GRIA2: variants seen among roughly 807,000 people sequenced by gnomAD.
GRIA2 encodes glutamate ionotropic receptor AMPA type subunit 2, also known as glutamate receptor 2.
Under a neutral mutation model 97.3 loss-of-function variants are expected in GRIA2, and 14 were observed. The observed-to-expected ratio is 0.14, with a 90% CI of 0.10 to 0.23. The LOEUF (loss-of-function observed/expected upper bound fraction) is 0.23, where lower values mean the gene tolerates loss of function less well. Ranked by LOEUF, GRIA2 falls within the 10% of genes least tolerant of loss-of-function variation. GRIA2 has a pLI of 1.00. For synonymous variants in GRIA2, 412 were observed against 387.8 expected (o/e 1.06, Z -0.73); for missense variants, 558 against 1,069.8 (o/e 0.52, Z 6.67).
intron 6 of GRIA2, among the ~76,000 whole-genome samples, chr4:157,323,788 C>G (rs1734690542): frequency 6.6e-6 from 1 of 152,106 alleles, no homozygotes; most frequent in Non-Finnish European, 1.5e-5. Context: ...AAAATTTTGC[C>G]AAAACTAGTG....
At chr4:157,307,864 A>C (rs1486270574) in intron 3 of GRIA2, among the ~76,000 whole-genome samples, 1 of 152,232 alleles carries the variant, frequency 6.6e-6, no homozygotes, top group Non-Finnish European at 1.5e-5. Context: ...ATAGAACAAA[A>C]ATGCTTTCAA....
At position 157,361,699 on chromosome 4, in the gene GRIA2, C is replaced by T; in HGVS notation, c.2406+575C>T. The T allele has an allele frequency of 7.5e-7, 1 of 1,325,972 alleles. No homozygotes were observed. The highest frequency in any genetic ancestry group is 2.3e-5 in the East Asian group (1 of 43,258). The allele number at this position is 1,325,972 out of a possible 1,614,324, so 82.1% of individuals were successfully genotyped here. On this transcript the variant is annotated intron_variant, in intron 14 of 15. Transcript: ENST00000264426. This position sits in a 1 kb window ranked among gnomAD's most constrained non-coding sequence, Gnocchi z 5.2. ...GTGAAAAAACAAAATCAAACACAAACAGCAAAATCAAACCACAAGTGTGTT... is the reference window on the plus strand; with the variant it reads ...GTGAAAAAACAAAATCAAACACAAATAGCAAAATCAAACCACAAGTGTGTT...
chr4:157,321,592 C>A lies in GRIA2; in HGVS notation c.875C>A (p.Thr292Lys). 6.2e-7 allele frequency: 1 copy of A among 1,604,974 alleles called. No individual in the cohort carries two copies. Among genetic ancestry groups the A allele is most frequent in the Middle Eastern group, 1.7e-4 (1 of 6,002 alleles). The change falls in exon 6 of 16, where the codon ACA (threonine) becomes AAA (lysine). Residue 292 changes from threonine to lysine, a missense_variant. Around this residue, in one of 8 missense-constraint regions of GRIA2, gnomAD observed 173 missense variants for 209.1 expected, o/e 0.83. Transcript: ENST00000264426. ...EKEYPGAHTT[T>K]IKYTSALTYD... ...GAATACCCTGGAGCTCACACAACAA[C>A]AATTAAGGTTTGCTTTGGTTTCTGT...
At chr4:157,274,643 T>C (rs1412368254) in intron 2 of GRIA2, among the ~76,000 whole-genome samples, 2 of 151,752 alleles carry the variant, frequency 1.3e-5, no homozygotes, top group African/African-American at 4.8e-5. Context: ...TTGCGATAGT[T>C]TGCTGAGAAT....
intron 2 of GRIA2, among the ~76,000 whole-genome samples, chr4:157,258,977 G>T (rs1274226025): frequency 6.6e-6 from 1 of 152,050 alleles, no homozygotes; most frequent in Non-Finnish European, 1.5e-5. Flanking sequence ...AGCACTTTGG[G>T]AGGCCAAGAC....
chr4:157,297,390 A>G (rs938148746), intron 2 of GRIA2, among the ~76,000 whole-genome samples: 2 of 152,178 alleles, frequency 1.3e-5, no homozygotes, highest in Non-Finnish European at 2.9e-5. Context: ...TGATTAATAA[A>G]TAGTTAATAT....
At chr4:157,315,418 G>A (rs779264774) in intron 4 of GRIA2, among the ~76,000 whole-genome samples, 3 of 150,278 alleles carry the variant, frequency 2.0e-5, no homozygotes, top group Non-Finnish European at 4.4e-5. Flanking sequence ...CACTCAACCA[G>A]TGTTTTTTCA....
intron 15 of GRIA2, 29 bp downstream of exon 15, chr4:157,363,076 T>C (rs762993953): frequency 6.3e-7 from 1 of 1,575,636 alleles, no homozygotes; most frequent in South Asian, 1.2e-5. Context: ...TACAAACTTT[T>C]TAGTGCACGT....
intron 3 of GRIA2, among the ~76,000 whole-genome samples, chr4:157,311,451 G>C (rs549974922): frequency 1.3e-5 from 2 of 151,998 alleles, no homozygotes; most frequent in African/African-American, 4.8e-5. Flanking sequence ...AGATGTTTTA[G>C]ACTCATCTTG....
intron 4 of GRIA2, 45 bp downstream of exon 4, chr4:157,312,920 C>T: frequency 2.7e-6 from 3 of 1,114,452 alleles, no homozygotes; most frequent in Non-Finnish European, 3.9e-6. Context: ...ATAGAATATG[C>T]ATGCAATGTC....
intron 2 of GRIA2, among the ~76,000 whole-genome samples, chr4:157,287,988 T>A (rs1236449020): frequency 6.6e-6 from 1 of 151,678 alleles, no homozygotes; most frequent in East Asian, 1.9e-4. Context: ...ATTGAGCCAG[T>A]CAGATTGCTC....
intron 4 of GRIA2, among the ~76,000 whole-genome samples, 184 bp downstream of exon 4, chr4:157,313,059 A>T (rs1734156561): frequency 6.6e-6 from 1 of 152,204 alleles, no homozygotes. Flanking sequence ...AATGGTCATC[A>T]GTAATGCTGG....
At chr4:157,226,914 T>A (rs986304126) in intron 2 of GRIA2, among the ~76,000 whole-genome samples, 1 of 152,112 alleles carries the variant, frequency 6.6e-6, no homozygotes, top group African/African-American at 2.4e-5. Flanking sequence ...AATTGCAGAT[T>A]TTGAGGAAAT....
intron 3 of GRIA2, among the ~76,000 whole-genome samples, chr4:157,305,168 G>T (rs1379899532): frequency 6.6e-6 from 1 of 152,072 alleles, no homozygotes. Context: ...TTTTCCTCTT[G>T]TTCTCTGCTA....
intron 2 of GRIA2, among the ~76,000 whole-genome samples, chr4:157,247,248 A>C (rs1033014606): frequency 6.6e-6 from 1 of 152,212 alleles, no homozygotes; most frequent in Non-Finnish European, 1.5e-5. Flanking sequence ...TTGCAAAGAT[A>C]CTAGGAGAAC....
intron 6 of GRIA2, among the ~76,000 whole-genome samples, chr4:157,323,195 C>T (rs974347810): frequency 2.6e-5 from 4 of 151,462 alleles, no homozygotes; most frequent in Admixed American, 2.0e-4. Flanking sequence ...ATTAGCCGGG[C>T]GTGGTGGCAG....
intron 2 of GRIA2, among the ~76,000 whole-genome samples, chr4:157,245,905 A>G (rs1187895764): frequency 3.3e-5 from 5 of 152,086 alleles, no homozygotes; most frequent in Admixed American, 6.6e-5. Context: ...TTTATTTTCT[A>G]TGTAAAGGAA....
intron 2 of GRIA2, among the ~76,000 whole-genome samples, chr4:157,288,839 TG>T (rs2126830543): frequency 6.6e-6 from 1 of 151,934 alleles, no homozygotes; most frequent in Non-Finnish European, 1.5e-5. Context: ...AATTTCTGGA[TG>T]TTTTGAGGAA....
At position 157,308,601 on chromosome 4, in the gene GRIA2, T is replaced by A. The variant is rs151036838; in HGVS notation, c.470-4078T>A. Among the ~76,000 whole-genome samples, 794 of 152,338 alleles carry A rather than the reference T, an allele frequency of 5.2e-3. 6 individuals are homozygous for A. The highest frequency in any genetic ancestry group is 0.018 in the African/African-American group (750 of 41,582). On this transcript the variant is annotated intron_variant, in intron 3 of 15. Coordinates refer to ENST00000264426, the MANE Select transcript of GRIA2 (RefSeq NM_001083619.3). ...AGTCTCTGCTATAGAAATTCAAATA[T>A]CCTAATGTAGTACTATGGATATTAG... is the stretch of plus-strand genomic sequence containing the variant.
Sources: gnomAD v4.1 joint callset for allele counts (sites outside exome capture counted in the v4.1 genomes callset) on GRCh38, gnomAD v4.1.1 for gene constraint, gnomAD v4.1.1 regional missense constraint, Gnocchi (gnomAD v3.1) non-coding constraint, MANE v1.5 for transcripts, NCBI Gene and HGNC (gene_info 2026-07-23, HGNC 2026-07-21) for gene names.